PPARGC1A: variants seen among roughly 807,000 people sequenced by gnomAD.
PPARGC1A encodes PPARG coactivator 1 alpha.
In PPARGC1A, 25 loss-of-function variants were observed where a neutral mutation model predicts 88.7. The ratio of observed to expected loss-of-function variants is 0.28; its 90% CI spans 0.21 to 0.39. The LOEUF is 0.39. Ranked by LOEUF, PPARGC1A falls within the 10% of genes least tolerant of loss-of-function variation. The probability of loss-of-function intolerance (pLI) is 1.00; values close to 1 mark genes in which losing one functional copy is unlikely to be tolerated. For synonymous variants in PPARGC1A, 363 were observed against 355.6 expected (o/e 1.02, Z -0.24); for missense variants, 880 against 968.7 (o/e 0.91, Z 1.22).
chr4:24,086,571 G>A, the PPARGC1A span, among the ~76,000 whole-genome samples: 1 of 152,182 alleles, frequency 6.6e-6, no homozygotes, highest in Non-Finnish European at 1.5e-5. Context: ...ATGATACATG[G>A]AGCATTTTGT....
At chr4:24,263,482 C>G in the PPARGC1A span, among the ~76,000 whole-genome samples, 43,127 of 149,150 alleles carry the variant, frequency 0.29, 7,534 homozygotes, top group Non-Finnish European at 0.39. Flanking sequence ...CACACACACA[C>G]ACAGAGTTGA....
the PPARGC1A span, among the ~76,000 whole-genome samples, chr4:24,244,555 T>C: frequency 6.6e-6 from 1 of 152,190 alleles, no homozygotes; most frequent in Non-Finnish European, 1.5e-5. Flanking sequence ...AATCCACATC[T>C]AATAACCACA....
chr4:23,995,705 G>A, the PPARGC1A span, among the ~76,000 whole-genome samples: 1 of 151,986 alleles, frequency 6.6e-6, no homozygotes, highest in African/African-American at 2.4e-5. Flanking sequence ...CCTTCTGTGG[G>A]GGAAGTCTTC....
At chr4:24,212,326 C>A in the PPARGC1A span, among the ~76,000 whole-genome samples, 1 of 152,158 alleles carries the variant, frequency 6.6e-6, no homozygotes. Flanking sequence ...CCATAACTGA[C>A]TATTGAATAA....
the PPARGC1A span, among the ~76,000 whole-genome samples, chr4:24,311,645 A>T: frequency 1.3e-5 from 2 of 151,934 alleles, no homozygotes; most frequent in South Asian, 2.1e-4. Flanking sequence ...ATCTCAAAAA[A>T]AATAATAATA....
At chr4:24,260,572 T>C in the PPARGC1A span, among the ~76,000 whole-genome samples, 2 of 152,196 alleles carry the variant, frequency 1.3e-5, no homozygotes, top group African/African-American at 4.8e-5. Flanking sequence ...CAAGAGCTGA[T>C]ATGAGGATAA....
chr4:23,910,027 C>G, the PPARGC1A span, among the ~76,000 whole-genome samples: 1 of 146,634 alleles, frequency 6.8e-6, no homozygotes, highest in East Asian at 2.1e-4. Flanking sequence ...AAAATAGCAG[C>G]AAGTCACTAG....
chr4:23,948,726 A>T, the PPARGC1A span, among the ~76,000 whole-genome samples: 1 of 152,184 alleles, frequency 6.6e-6, no homozygotes, highest in Non-Finnish European at 1.5e-5. Flanking sequence ...GCCTCTTTTC[A>T]TTCTCAAATG....
chr4:24,266,923 G>A, the PPARGC1A span, among the ~76,000 whole-genome samples: 2 of 152,184 alleles, frequency 1.3e-5, no homozygotes, highest in South Asian at 2.1e-4. Context: ...TGAAACTTAG[G>A]TATTTTTAGA....
the PPARGC1A span, among the ~76,000 whole-genome samples, chr4:24,199,191 C>T: frequency 1.3e-5 from 2 of 152,294 alleles, no homozygotes; most frequent in Non-Finnish European, 2.9e-5. Context: ...ACATCCCCAA[C>T]ACTTAGAAGA....
the PPARGC1A span, among the ~76,000 whole-genome samples, chr4:24,213,707 A>ATG: frequency 5.9e-5 from 9 of 152,284 alleles, no homozygotes; most frequent in East Asian, 3.9e-4. Flanking sequence ...ATGTCCAGGC[A>ATG]TGTGTGTGTG....
At chr4:23,944,793 G>C in the PPARGC1A span, among the ~76,000 whole-genome samples, 14 of 152,130 alleles carry the variant, frequency 9.2e-5, no homozygotes, top group African/African-American at 3.4e-4. Flanking sequence ...CGTGTAAAGA[G>C]GGATGTGTTT....
chr4:24,441,767 G>T, the PPARGC1A span, among the ~76,000 whole-genome samples: 2 of 152,144 alleles, frequency 1.3e-5, no homozygotes, highest in African/African-American at 4.8e-5. Context: ...AAGAAAGGAA[G>T]GAGAAAGAAG....
chr4:23,911,396 G>A, the PPARGC1A span, among the ~76,000 whole-genome samples: 2 of 152,134 alleles, frequency 1.3e-5, no homozygotes, highest in African/African-American at 2.4e-5. Flanking sequence ...AGGGGGCAGC[G>A]ATGCGAACAC....
At chr4:24,445,324 A>C in the PPARGC1A span, among the ~76,000 whole-genome samples, 1,530 of 152,272 alleles carry the variant, frequency 0.01, 34 homozygotes, top group African/African-American at 0.036. Flanking sequence ...CTCTGCTCTG[A>C]CTGGTCTTTC....
At chr4:24,437,739 A>G in the PPARGC1A span, among the ~76,000 whole-genome samples, 1 of 151,566 alleles carries the variant, frequency 6.6e-6, no homozygotes, top group African/African-American at 2.4e-5. Context: ...GTGCGATCTC[A>G]GCTCACTGCA....
At chr4:24,139,816 C>T in the PPARGC1A span, among the ~76,000 whole-genome samples, 2 of 152,138 alleles carry the variant, frequency 1.3e-5, no homozygotes, top group Non-Finnish European at 2.9e-5. Context: ...CATTTGTGAG[C>T]TTAAATGCTG....
the PPARGC1A span, among the ~76,000 whole-genome samples, chr4:24,137,066 A>G: frequency 6.7e-6 from 1 of 149,990 alleles, no homozygotes; most frequent in Non-Finnish European, 1.5e-5. Flanking sequence ...GTGAGCCGAG[A>G]TGGCACCACT....
upstream of PPARGC1A, among the ~76,000 whole-genome samples, chr4:23,899,637 T>C (rs1719051559): frequency 6.6e-6 from 1 of 152,132 alleles, no homozygotes; most frequent in Non-Finnish European, 1.5e-5. Context: ...CCCAGAAATG[T>C]AATGTGAAGC....
Sources: allele counts gnomAD v4.1 joint callset (sites outside exome capture counted in the v4.1 genomes callset), GRCh38; gene constraint gnomAD v4.1.1; transcripts MANE v1.5; gene names NCBI Gene and HGNC (gene_info 2026-07-23, HGNC 2026-07-21).